KCP: variants seen among roughly 807,000 people sequenced by gnomAD.
KCP encodes the protein kielin/chordin-like protein.
KCP carries 194 observed loss-of-function variants against 212.7 expected under a neutral mutation model. That is an observed-to-expected ratio of 0.91 (90% CI 0.81 to 1.03). The LOEUF (loss-of-function observed/expected upper bound fraction) is 1.03. KCP is among the 50% of genes least tolerant of loss of function. KCP has a pLI of 0.00. For missense variants in KCP, 2,080 were observed against 2,162.5 expected, an observed-to-expected ratio of 0.96 and a Z score of 0.76; for synonymous variants, 833 against 865.3, an observed-to-expected ratio of 0.96 and a Z score of 0.65.
chr7:128,888,912 G>A lies in KCP; in HGVS notation c.2463C>T (p.Gly821=). The A allele has an allele frequency of 6.4e-7, 1 of 1,550,676 alleles. No homozygotes were observed. Among genetic ancestry groups the A allele is most frequent in the Admixed American group, 2.0e-5 (1 of 50,942 alleles). ...TCGRRPCEPP[G]CSHPLIPSGH... ...CAGAGGGGATGAGTGGGTGGCTGCA[G>A]CCCGGAGGCTCACAGGGCCGGCGGC... The change falls in exon 22 of 40, where the codon GGC becomes GGT. Residue 821 remains glycine (G), a synonymous_variant. Transcript: ENST00000610776.
intron 20 of KCP, 129 bp from the exon 21 acceptor site, chr7:128,890,642 G>A: frequency 2.7e-6 from 2 of 734,682 alleles, no homozygotes; most frequent in Non-Finnish European, 2.2e-6. Flanking sequence ...CGTGGGGGCT[G>A]GGGGTCCGTG....
intron 1 of KCP, 26 bp downstream of exon 1, chr7:128,910,575 C>T: frequency 6.6e-7 from 1 of 1,507,870 alleles, no homozygotes. Flanking sequence ...CTGGCCGGAC[C>T]CCAAGCCTCC....
chr7:128,879,823 G>C lies in KCP; in HGVS notation c.3939C>G (p.His1313Gln), dbSNP rs376260469. The change falls in exon 36 of 40, where the codon CAC (histidine) becomes CAG (glutamine). Residue 1313 changes from histidine (H) to glutamine (Q), a missense_variant. Transcript: ENST00000610776. ...KDCHSGDFSV[H>Q]VTNDDRGRSG... Reference sequence around the variant, plus strand: ...TCCGGCCCCGGTCATCATTGGTCACGTGCACACTGTGGGCAGGAAAGTCCC... The same window carrying C: ...TCCGGCCCCGGTCATCATTGGTCACCTGCACACTGTGGGCAGGAAAGTCCC... 3 of 1,550,850 alleles carry C rather than the reference G, an allele frequency of 1.9e-6. No homozygotes were observed. Among genetic ancestry groups the C allele is most frequent in the Non-Finnish European group, 2.6e-6 (3 of 1,146,962 alleles).
intron 1 of KCP, 50 bp downstream of exon 1, chr7:128,910,550 AG>A: frequency 6.8e-7 from 1 of 1,462,598 alleles, no homozygotes; most frequent in South Asian, 1.3e-5. Flanking sequence ...GGCTGATAGG[AG>A]GGAGGGGGCG....
rs1454006755 is a variant in KCP, at chr7:128,886,507, C to G, written c.2823G>C (p.Lys941Asn). ...VRLQCPPLPCKLQVTERGSCC... is the reference protein window; with the variant it reads ...VRLQCPPLPCNLQVTERGSCC... ...AGCTCCCCCGCTCGGTGACCTGGAG[C>G]TTGCAGGGAAGGGGTGGGCACTGCA... Residue 941 changes from lysine to asparagine, a missense_variant, in exon 26 of 40, where the codon AAG (lysine) becomes AAC (asparagine). Physicochemically the swap from Lys to Asn is moderately conservative, Grantham distance 94. Coordinates refer to ENST00000610776, the MANE Select transcript of KCP (RefSeq NM_001366122.1). The G allele has an allele frequency of 6.4e-7, 1 of 1,550,736 alleles. No individual in the cohort carries two copies. The highest frequency in any genetic ancestry group is 1.4e-5 in the African/African-American group (1 of 73,140).
chr7:128,886,334 G>A, intron 26 of KCP, 130 bp downstream of exon 26: 1 of 706,130 alleles, frequency 1.4e-6, no homozygotes, highest in African/African-American at 1.8e-5. Flanking sequence ...GGTGGCAAGG[G>A]TGTATGCAAG....
intron 27 of KCP, 23 bp from the exon 28 acceptor site, chr7:128,884,886 A>G (rs1404815610): frequency 6.5e-7 from 1 of 1,548,966 alleles, no homozygotes; most frequent in Non-Finnish European, 8.7e-7. Flanking sequence ...GTGAGAGCAG[A>G]ACGGGACCAG....
intron 20 of KCP, 92 bp downstream of exon 20, chr7:128,890,813 G>A: frequency 9.1e-7 from 1 of 1,093,962 alleles, no homozygotes; most frequent in Non-Finnish European, 1.2e-6. Flanking sequence ...TGGGCGGAGC[G>A]GGCCTGGAGG....
chr7:128,910,565 C>A, intron 1 of KCP, 36 bp downstream of exon 1: 3 of 1,502,096 alleles, frequency 2.0e-6, no homozygotes, highest in Non-Finnish European at 2.7e-6. Context: ...GGGGGCGCAC[C>A]TGGCCGGACC....
chr7:128,879,789 C>T lies in KCP; in HGVS notation c.3973G>A (p.Ala1325Thr), dbSNP rs953979841. 1.9e-6 allele frequency: 3 copies of T among 1,550,642 alleles called. No individual in the cohort carries two copies. The highest frequency in any genetic ancestry group is 2.7e-5 in the African/African-American group (2 of 73,052). ...TNDDRGRSGVAWTQEVAVLLG... is the reference protein window; with the variant it reads ...TNDDRGRSGVTWTQEVAVLLG... ...AGCACCGCCACCTCCTGGGTCCAGG[C>T]CACACCGCTCCGGCCCCGGTCATCA... The change falls in exon 36 of 40, where the codon GCC becomes ACC. Residue 1325 changes from alanine to threonine, a missense_variant. Coordinates refer to ENST00000610776, the MANE Select transcript of KCP (RefSeq NM_001366122.1).
intron 11 of KCP, 58 bp downstream of exon 11, chr7:128,893,748 T>A: frequency 1.3e-6 from 2 of 1,510,800 alleles, no homozygotes; most frequent in Non-Finnish European, 1.8e-6. Context: ...CCCCCACACC[T>A]ACAGCCTCTC....
intron 38 of KCP, among the ~76,000 whole-genome samples, 193 bp from the exon 39 acceptor site, chr7:128,877,983 G>A (rs1182309048): frequency 1.3e-5 from 2 of 152,036 alleles, no homozygotes; most frequent in Non-Finnish European, 2.9e-5. Context: ...GCCAGAGTAG[G>A]TCAGCACTTG....
Position 128,878,639 on chromosome 7 carries a change from G to T in KCP, c.4230C>A (p.Phe1410Leu). ...QGRTCGLCGN[F>L]NGFAQDDLQG... The stretch of plus-strand genomic sequence containing the variant: ...GCAGATCGTCCTGGGCAAAGCCATT[G>T]AAGTTCCCACAGAGCCCACAAGTCC... Residue 1410 changes from phenylalanine to leucine, a missense_variant, in exon 38 of 40, where the codon TTC becomes TTA. Phe to Leu is a conservative substitution (Grantham distance 22, BLOSUM62 0). Transcript: ENST00000610776. The T allele has an allele frequency of 1.3e-6, 2 of 1,551,394 alleles. No homozygotes were observed. Among genetic ancestry groups the T allele is most frequent in the South Asian group, 1.2e-5 (1 of 84,060 alleles).
In KCP at chr7:128,902,926, C is replaced by T. The variant is rs548134574; in HGVS notation, c.749-67G>A. Reference sequence around the variant, plus strand: ...TGGCCTGGACCCCAGCCTCAGCCTGCCCGCCTTCCTTGTCCACATGCCCTC... The same window carrying T: ...TGGCCTGGACCCCAGCCTCAGCCTGTCCGCCTTCCTTGTCCACATGCCCTC... On this transcript the variant is annotated intron_variant, in intron 7 of 39. Transcript: ENST00000610776. 311 of 1,234,690 alleles carry T rather than the reference C, an allele frequency of 2.5e-4. No individual in the cohort carries two copies. In the East Asian group the frequency reaches 7.7e-3, roughly 31 times the overall value. 76.5% of individuals were successfully genotyped at this position (1,234,690 alleles called of 1,614,324 possible).
At position 128,884,844 on chromosome 7, in the gene KCP, C is replaced by A; in HGVS notation, c.3060G>T (p.Arg1020=). Residue 1020 remains arginine (R), a synonymous_variant, in exon 28 of 40, where the codon CGG becomes CGT. Coordinates refer to ENST00000610776, the MANE Select transcript of KCP (RefSeq NM_001366122.1). ...PQCSDCEHEG[R]KYEPGESFQP... ...GGAAGCTCTCCCCAGGCTCGTACTT[C>A]CGGCCCTCATGCTCACAGTCTTTGG... is the stretch of plus-strand genomic sequence containing the variant. 6.4e-7 allele frequency: 1 copy of A among 1,551,072 alleles called. No homozygotes were observed. The highest frequency in any genetic ancestry group is 1.2e-5 in the South Asian group (1 of 84,068).
At chr7:128,896,667 C>T (rs1265734259) in intron 8 of KCP, among the ~76,000 whole-genome samples, 3 of 151,968 alleles carry the variant, frequency 2.0e-5, no homozygotes, top group Non-Finnish European at 2.9e-5. Context: ...CCGAGGAGGG[C>T]GGATCACGAG....
chr7:128,898,165 C>T (rs992714551), intron 8 of KCP, among the ~76,000 whole-genome samples: 1 of 152,126 alleles, frequency 6.6e-6, no homozygotes, highest in Admixed American at 6.5e-5. Context: ...AAGCCAGTCT[C>T]CTGCCTCAGC....
chr7:128,878,766 G>T, intron 37 of KCP, 44 bp from the exon 38 acceptor site: 2 of 1,522,684 alleles, frequency 1.3e-6, no homozygotes, highest in South Asian at 2.5e-5. Flanking sequence ...AAGGACAGGG[G>T]CCTTAAGAAG....
intron 39 of KCP, 66 bp downstream of exon 39, chr7:128,877,418 C>A (rs1793058247): frequency 1.3e-6 from 2 of 1,535,688 alleles, no homozygotes; most frequent in Admixed American, 4.0e-5. Flanking sequence ...TGCCCTGAGC[C>A]CTCCGGGCTG....
Sources: allele counts gnomAD v4.1 joint callset (sites outside exome capture counted in the v4.1 genomes callset), GRCh38; gene constraint gnomAD v4.1.1; transcripts MANE v1.5; gene names NCBI Gene and HGNC (gene_info 2026-07-23, HGNC 2026-07-21).